PITPNC1: variants seen among roughly 807,000 people sequenced by gnomAD.
PITPNC1 encodes the protein cytoplasmic phosphatidylinositol transfer protein 1.
Under a neutral mutation model 44.7 loss-of-function variants are expected in PITPNC1, and 18 were observed. The observed-to-expected ratio is 0.40, with a 90% confidence interval of 0.28 to 0.60. The LOEUF (loss-of-function observed/expected upper bound fraction) is 0.60. Ranked by LOEUF, PITPNC1 falls within the 20% of genes least tolerant of loss-of-function variation. The pLI, the probability that PITPNC1 is intolerant of heterozygous loss-of-function variation, is 0.39. For missense variants in PITPNC1, 290 were observed against 418.4 expected, an observed-to-expected ratio of 0.69 and a Z score of 2.68; for synonymous variants, 141 against 149.6, an observed-to-expected ratio of 0.94 and a Z score of 0.42.
intron 1 of PITPNC1, among the ~76,000 whole-genome samples, chr17:67,390,853 CTGTT>C (rs1416391685): frequency 1.3e-5 from 2 of 152,208 alleles, no homozygotes; most frequent in Non-Finnish European, 2.9e-5. Flanking sequence ...TTATACAAGA[CTGTT>C]TGTTGACTTA....
At chr17:67,581,102 T>C in intron 5 of PITPNC1, among the ~76,000 whole-genome samples, 1 of 152,226 alleles carries the variant, frequency 6.6e-6, no homozygotes. Context: ...TATAGATTGG[T>C]GGGACCACTG....
In PITPNC1 at chr17:67,436,908, G is replaced by GTTT. The variant is rs1044625193; in HGVS notation, c.48+58732_48+58734dup. 7.1e-3 allele frequency among the ~76,000 whole-genome samples: 487 copies of GTTT among 68,456 alleles called. 64 individuals are homozygous for GTTT. The highest frequency in any genetic ancestry group is 0.01 in the Middle Eastern group (1 of 98). 44.9% of individuals were successfully genotyped at this position (68,456 alleles called of 152,430 possible). A position where few individuals can be genotyped will look rare whatever the true frequency, so the allele number is the denominator to read the frequency against. ...TCTGATTGTATTTGAAAATAGGGGT[G>GTTT]TTTTTTTTTTTTTTTTTTTTTTTTT... On this transcript the variant is annotated intron_variant, in intron 1 of 8. Coordinates refer to ENST00000581322, the MANE Select transcript of PITPNC1 (RefSeq NM_012417.4).
chr17:67,488,876 A>C (rs2039821897), intron 1 of PITPNC1, among the ~76,000 whole-genome samples: 1 of 152,218 alleles, frequency 6.6e-6, no homozygotes, highest in South Asian at 2.1e-4. Context: ...TATTTCTCTT[A>C]GCGTAATATC....
intron 2 of PITPNC1, among the ~76,000 whole-genome samples, chr17:67,551,109 A>G (rs2040757090): frequency 6.6e-6 from 1 of 152,190 alleles, no homozygotes; most frequent in Admixed American, 6.5e-5. Context: ...ATGCAGATGT[A>G]TCTTAAGGAA....
chr17:67,474,819 G>A (rs1409531141), intron 1 of PITPNC1, among the ~76,000 whole-genome samples: 3 of 151,388 alleles, frequency 2.0e-5, no homozygotes, highest in South Asian at 2.1e-4. Context: ...CATGCCCGGC[G>A]GCTTTTTTTT....
chr17:67,535,799 G>T (rs1044847422), intron 2 of PITPNC1, among the ~76,000 whole-genome samples: 1 of 152,180 alleles, frequency 6.6e-6, no homozygotes, highest in African/African-American at 2.4e-5. Flanking sequence ...GTGGAAAGCA[G>T]ACCCGTTAAT....
At chr17:67,653,479 G>A (rs1338505735) in intron 6 of PITPNC1, among the ~76,000 whole-genome samples, 1 of 152,176 alleles carries the variant, frequency 6.6e-6, no homozygotes, top group East Asian at 1.9e-4. Flanking sequence ...GGGGCTTCTA[G>A]CCTCCAGTAC....
intron 1 of PITPNC1, among the ~76,000 whole-genome samples, chr17:67,452,351 T>C (rs1440183947): frequency 6.6e-6 from 1 of 151,768 alleles, no homozygotes; most frequent in East Asian, 2.0e-4. Flanking sequence ...CATTCCATTA[T>C]AGGGATGTAC....
At chr17:67,667,266 C>G (rs150333806) in intron 6 of PITPNC1, among the ~76,000 whole-genome samples, 160 of 152,150 alleles carry the variant, frequency 1.1e-3, no homozygotes, top group African/African-American at 3.6e-3. Flanking sequence ...CGGTGACCCA[C>G]GCCTTTAATA....
chr17:67,592,941 G>A (rs1277052909), intron 5 of PITPNC1, among the ~76,000 whole-genome samples: 2 of 152,150 alleles, frequency 1.3e-5, no homozygotes, highest in African/African-American at 2.4e-5. Flanking sequence ...GTGAGACTGA[G>A]GCAGGAGGAT....
intron 1 of PITPNC1, among the ~76,000 whole-genome samples, chr17:67,429,697 C>CAAA (rs34662070): frequency 6.9e-6 from 1 of 144,586 alleles, no homozygotes; most frequent in Non-Finnish European, 1.5e-5. Flanking sequence ...AACTCTGTTT[C>CAAA]AAAAAAAAAA....
intron 1 of PITPNC1, among the ~76,000 whole-genome samples, chr17:67,427,547 C>T (rs908655881): frequency 1.7e-4 from 26 of 152,104 alleles, no homozygotes; most frequent in African/African-American, 5.3e-4. Context: ...TCGGACTCCT[C>T]GGACTCCTCA....
rs559408224 is a variant in PITPNC1, at chr17:67,462,779, C to T, written c.49-70023C>T. The stretch of plus-strand genomic sequence containing the variant: ...GTGCAATGGCGTGATATCGGCTCAC[C>T]GCAACCTCCGCCTCCTGGGTTCAAG... On this transcript the variant is annotated intron_variant, in intron 1 of 8. Transcript: ENST00000581322. 9.8e-4 allele frequency among the ~76,000 whole-genome samples: 147 copies of T among 150,576 alleles called. 2 individuals carry two copies. Among genetic ancestry groups the T allele is most frequent in the South Asian group, 3.8e-3 (18 of 4,750 alleles).
Position 67,668,878 on chromosome 17 carries a change from GA to G in PITPNC1, c.463-623del, listed in dbSNP as rs374642900. ...CTCCATCTCAAAAAAAAGAAAGAAA[GA>G]AAAAAAGAGAAAAGAAAAAATTGAG... On this transcript the variant is annotated intron_variant, in intron 6 of 8. Transcript: ENST00000581322. Among the ~76,000 whole-genome samples, 1,181 of 151,796 alleles carry G rather than the reference GA, an allele frequency of 7.8e-3. 17 individuals carry two copies. Among genetic ancestry groups the G allele is most frequent in the African/African-American group, 0.026 (1,096 of 41,432 alleles).
chr17:67,498,132 A>C (rs1159393306), intron 1 of PITPNC1, among the ~76,000 whole-genome samples: 1 of 152,108 alleles, frequency 6.6e-6, no homozygotes, highest in Non-Finnish European at 1.5e-5. Flanking sequence ...AGCCTCCCAA[A>C]GTGCTAGGAT....
chr17:67,501,664 T>C (rs2040031582), intron 1 of PITPNC1, among the ~76,000 whole-genome samples: 1 of 152,080 alleles, frequency 6.6e-6, no homozygotes, highest in Non-Finnish European at 1.5e-5. Context: ...AAATCCTGTC[T>C]CTACTAAAAA....
chr17:67,535,911 G>A (rs2040521770), intron 2 of PITPNC1, among the ~76,000 whole-genome samples: 1 of 152,172 alleles, frequency 6.6e-6, no homozygotes, highest in South Asian at 2.1e-4. Context: ...AGGGCCTCAG[G>A]CCCACATAAA....
intron 1 of PITPNC1, among the ~76,000 whole-genome samples, chr17:67,510,911 C>T (rs764757489): frequency 6.6e-6 from 1 of 152,008 alleles, no homozygotes; most frequent in African/African-American, 2.4e-5. Context: ...TCCATGCCAG[C>T]GTATTGTTTC....
intron 2 of PITPNC1, among the ~76,000 whole-genome samples, chr17:67,534,138 G>T (rs2040498021): frequency 6.6e-6 from 1 of 151,760 alleles, no homozygotes; most frequent in African/African-American, 2.4e-5. Flanking sequence ...CAAGTGATCT[G>T]CCTGCTTCAG....
Sources: allele counts gnomAD v4.1 joint callset (sites outside exome capture counted in the v4.1 genomes callset), GRCh38; gene constraint gnomAD v4.1.1; transcripts MANE v1.5; gene names NCBI Gene and HGNC (gene_info 2026-07-23, HGNC 2026-07-21).